The following SV2B variants were observed in gnomAD, a reference collection of about 807,000 sequenced individuals.
SV2B encodes the protein solute carrier family 22 member B2.
A neutral mutation model predicts 73.9 loss-of-function variants in SV2B; 41 were observed. The observed-to-expected ratio is 0.56, with a 90% CI of 0.43 to 0.72. SV2B has a LOEUF of 0.72. Ranked by LOEUF, SV2B falls within the 30% of genes least tolerant of loss-of-function variation. The probability of loss-of-function intolerance (pLI) is 0.00; values close to 1 mark genes in which losing one functional copy is unlikely to be tolerated. For synonymous variants in SV2B, 314 were observed against 314.2 expected (o/e 1.00, Z 0.01); for missense variants, 764 against 857.8 (o/e 0.89, Z 1.37).
chr15:91,130,529 C>T lies in SV2B; in HGVS notation c.-392+30166C>T, dbSNP rs1596453151. 1.3e-5 allele frequency among the ~76,000 whole-genome samples: 2 copies of T among 152,060 alleles called. No individual in the cohort carries two copies. The highest frequency in any genetic ancestry group is 3.9e-4 in the East Asian group (2 of 5,166). On this transcript the variant is annotated intron_variant, in intron 1 of 12. Coordinates refer to ENST00000394232, the MANE Select transcript of SV2B (RefSeq NM_001323032.3). The surrounding 1 kb of genome is among the most constrained non-coding windows in gnomAD (Gnocchi z 5.6). ...TGAGAGAGAGAGAGAGAAGCAGCTGCATTTGGGGAGGAAGGAGAAGAGTCA... is the reference window on the plus strand; with the variant it reads ...TGAGAGAGAGAGAGAGAAGCAGCTGTATTTGGGGAGGAAGGAGAAGAGTCA...
chr15:91,289,464 A>G lies in SV2B; in HGVS notation c.1709-57A>G. On this transcript the variant is annotated intron_variant, in intron 11 of 12. Coordinates refer to ENST00000394232, the MANE Select transcript of SV2B (RefSeq NM_001323032.3). The surrounding 1 kb of genome is among the most constrained non-coding windows in gnomAD (Gnocchi z 4.9). The stretch of plus-strand genomic sequence containing the variant: ...AGATGGGGCAAGAACTGTGAGTGAC[A>G]GCCATGTGCAAGACACAGGCCTCAT... 1 of 1,609,796 alleles carries G rather than the reference A, an allele frequency of 6.2e-7. No individual in the cohort carries two copies. The highest frequency in any genetic ancestry group is 8.5e-7 in the Non-Finnish European group (1 of 1,176,702).
In SV2B at chr15:91,223,576, G is replaced by T. The variant is rs962645794; in HGVS notation, c.-391-2297G>T. 1.3e-5 allele frequency among the ~76,000 whole-genome samples: 2 copies of T among 152,128 alleles called. No homozygotes were observed. Among genetic ancestry groups the T allele is most frequent in the African/African-American group, 4.8e-5 (2 of 41,412 alleles). On this transcript the variant is annotated intron_variant, in intron 1 of 12. Transcript: ENST00000394232. The surrounding 1 kb of genome is among the most constrained non-coding windows in gnomAD (Gnocchi z 4.6). Reference sequence around the variant, plus strand: ...TCACGACGTTGTTATAGGGCCCCCAGGATGGAAATAACACACCAGATCTCA... The same window carrying T: ...TCACGACGTTGTTATAGGGCCCCCATGATGGAAATAACACACCAGATCTCA...
At chr15:91,158,720 T>TTCC (rs1567300811) in intron 1 of SV2B, among the ~76,000 whole-genome samples, 10 of 81,684 alleles carry the variant, frequency 1.2e-4, no homozygotes, top group African/African-American at 4.1e-4. Flanking sequence ...TCTCCTCTCC[T>TTCC]CTCCTCTCTT....
rs1808970229 is a variant in SV2B, at chr15:91,227,968, A to G, written c.451+1254A>G. On this transcript the variant is annotated intron_variant, in intron 2 of 12. Coordinates refer to ENST00000394232, the MANE Select transcript of SV2B (RefSeq NM_001323032.3). This position sits in a 1 kb window ranked among gnomAD's most constrained non-coding sequence, Gnocchi z 4.5. ...CTGTAGCACAATAGCAGCTTTGAAC[A>G]ACACGTAAACAAATGGGCTGTGTTC... Among the ~76,000 whole-genome samples, 1 of 152,242 alleles carries G rather than the reference A, an allele frequency of 6.6e-6. No homozygotes were observed. Among genetic ancestry groups the G allele is most frequent in the African/African-American group, 2.4e-5 (1 of 41,460 alleles).
chr15:91,225,125 A>G (rs1356647248), intron 1 of SV2B, among the ~76,000 whole-genome samples: 1 of 152,210 alleles, frequency 6.6e-6, no homozygotes, highest in Non-Finnish European at 1.5e-5. Flanking sequence ...TGAGGCTTGG[A>G]AAGATGCGTG....
In SV2B at chr15:91,139,805, C is replaced by T. The variant is rs188446565; in HGVS notation, c.-392+39442C>T. 1.2e-3 allele frequency among the ~76,000 whole-genome samples: 178 copies of T among 152,216 alleles called. 2 individuals are homozygous for T. The highest frequency in any genetic ancestry group is 0.01 in the Admixed American group (156 of 15,298). On this transcript the variant is annotated intron_variant, in intron 1 of 12. Transcript: ENST00000394232. The surrounding 1 kb of genome is among the most constrained non-coding windows in gnomAD (Gnocchi z 5.2). ...AGGAGGTACTCAGATAATTAACAGG[C>T]GTCAGTTGGTTGTAAAAGACGTAAA...
At chr15:91,254,020 T>C (rs749587502) in intron 4 of SV2B, among the ~76,000 whole-genome samples, 2 of 152,352 alleles carry the variant, frequency 1.3e-5, no homozygotes, top group African/African-American at 2.4e-5. Flanking sequence ...TAATTTTAGA[T>C]ACAAAATTGT....
chr15:91,207,335 T>A (rs888237030), intron 1 of SV2B, among the ~76,000 whole-genome samples: 3 of 152,086 alleles, frequency 2.0e-5, no homozygotes, highest in African/African-American at 7.2e-5. Flanking sequence ...AAAACAATGT[T>A]TTTTTTCTGT....
chr15:91,156,879 T>A (rs112408860), intron 1 of SV2B, among the ~76,000 whole-genome samples: 104 of 152,306 alleles, frequency 6.8e-4, no homozygotes, highest in African/African-American at 2.4e-3. Flanking sequence ...TACCTCCTTT[T>A]TGTGGGCTGC....
chr15:91,145,407 G>A (rs1304117278), intron 1 of SV2B, among the ~76,000 whole-genome samples: 1 of 152,146 alleles, frequency 6.6e-6, no homozygotes, highest in Non-Finnish European at 1.5e-5. Flanking sequence ...CATTTAGGTT[G>A]ATTCCATGTC....
At position 91,268,369 on chromosome 15, in the gene SV2B, C is replaced by A; in HGVS notation, c.1209-72C>A. ...TCAATGAGTTTGATCTGCATCAAGT[C>A]AAGAGTGTAGACCCTGATCATGAAA... On this transcript the variant is annotated intron_variant, in intron 8 of 12. Transcript: ENST00000394232. This position sits in a 1 kb window ranked among gnomAD's most constrained non-coding sequence, Gnocchi z 4.4. 6.9e-7 allele frequency: 1 copy of A among 1,451,340 alleles called. No homozygotes were observed. 89.9% of individuals were successfully genotyped at this position (1,451,340 alleles called of 1,614,324 possible).
intron 1 of SV2B, among the ~76,000 whole-genome samples, chr15:91,127,338 C>T (rs1209868266): frequency 6.6e-6 from 1 of 152,012 alleles, no homozygotes; most frequent in African/African-American, 2.4e-5. Flanking sequence ...CTCTAATTAA[C>T]GGGCAGAGGC....
At position 91,267,561 on chromosome 15, in the gene SV2B, G is replaced by A. The variant is rs752330674; in HGVS notation, c.1126G>A (p.Asp376Asn). 2 of 1,613,180 alleles carry A rather than the reference G, an allele frequency of 1.2e-6. No homozygotes were observed. The highest frequency in any genetic ancestry group is 1.7e-6 in the Non-Finnish European group (2 of 1,179,544). Residue 376 changes from aspartate to asparagine, a missense_variant, in exon 8 of 13, where the codon GAT becomes AAT. Coordinates refer to ENST00000394232, the MANE Select transcript of SV2B (RefSeq NM_001323032.3). This position sits in a 1 kb window ranked among gnomAD's most constrained non-coding sequence, Gnocchi z 4.3. Reference protein sequence around the residue: ...RFKTIFKQVWDNALYCVMGPY... With the variant: ...RFKTIFKQVWNNALYCVMGPY... ...TCTCTGGTATGGGTTGTAGGTCTGG[G>A]ATAATGCCCTGTACTGTGTGATGGG...
chr15:91,250,100 A>T (rs62026595), intron 2 of SV2B, among the ~76,000 whole-genome samples: 17,842 of 152,070 alleles, frequency 0.12, 1,156 homozygotes, highest in Middle Eastern at 0.14. Context: ...ATGGACACAG[A>T]TGCAATAATC....
At chr15:91,149,340 G>A (rs1018956326) in intron 1 of SV2B, among the ~76,000 whole-genome samples, 1 of 152,204 alleles carries the variant, frequency 6.6e-6, no homozygotes, top group African/African-American at 2.4e-5. Flanking sequence ...CAGCTGACAG[G>A]ATCCACCCCA....
rs780036507 is a variant in SV2B at position 91,108,520 on chromosome 15, C to T, written c.-392+8157C>T. ...CCAGGCACATAGTAGGCACACTATA[C>T]GTATTTATTAGATACATGGTGAATA... On this transcript the variant is annotated intron_variant, in intron 1 of 12. Coordinates refer to ENST00000394232, the MANE Select transcript of SV2B (RefSeq NM_001323032.3). 7.2e-5 allele frequency among the ~76,000 whole-genome samples: 11 copies of T among 152,226 alleles called. 1 individual carries two copies. Among genetic ancestry groups the T allele is most frequent in the African/African-American group, 2.4e-4 (10 of 41,462 alleles).
rs1485504062 is a variant in SV2B at position 91,267,473 on chromosome 15, T to C, written c.1120-82T>C. On this transcript the variant is annotated intron_variant, in intron 7 of 12. Transcript: ENST00000394232. The surrounding 1 kb of genome is among the most constrained non-coding windows in gnomAD (Gnocchi z 4.3). ...TGGGTTCCTAGGCAACTTATTAGAATATCTGAGTAATGAGCTCTTCGTGGG... is the reference window on the plus strand; with the variant it reads ...TGGGTTCCTAGGCAACTTATTAGAACATCTGAGTAATGAGCTCTTCGTGGG... The C allele has an allele frequency of 4.0e-6, 5 of 1,245,372 alleles. No individual in the cohort carries two copies. Among genetic ancestry groups the C allele is most frequent in the Admixed American group, 1.9e-5 (1 of 51,512 alleles). 77.1% of individuals were successfully genotyped at this position (1,245,372 alleles called of 1,614,324 possible).
In SV2B at chr15:91,134,004, C is replaced by CTTTTTTTTTTTTTTTTTTTTTTT. The variant is rs10637206; in HGVS notation, c.-392+33653_-392+33654insTTTTTTTTTTTTTTTTTTTTTTT. Among the ~76,000 whole-genome samples, 107 of 106,206 alleles carry CTTTTTTTTTTTTTTTTTTTTTTT rather than the reference C, an allele frequency of 1.0e-3. 14 individuals are homozygous for CTTTTTTTTTTTTTTTTTTTTTTT. Among genetic ancestry groups the CTTTTTTTTTTTTTTTTTTTTTTT allele is most frequent in the Middle Eastern group, 6.1e-3 (1 of 164 alleles). The allele number at this position is 106,206 out of a possible 152,430, so 69.7% of individuals were successfully genotyped here. ...TGCCTCTTCACCACTTTCTTTCTTCCTTTTTTTTTTTTGAGATGGAGTCTT... is the reference window on the plus strand; with the variant it reads ...TGCCTCTTCACCACTTTCTTTCTTCCTTTTTTTTTTTTTTTTTTTTTTTTTTTTTTTTTTTGAGATGGAGTCTT... On this transcript the variant is annotated intron_variant, in intron 1 of 12. Transcript: ENST00000394232.
rs1021119328 is a variant in SV2B at position 91,240,095 on chromosome 15, C to G, written c.452-11724C>G. On this transcript the variant is annotated intron_variant, in intron 2 of 12. Transcript: ENST00000394232. The surrounding 1 kb of genome is among the most constrained non-coding windows in gnomAD (Gnocchi z 4.6). ...ATACCTGAACAAAAGCCAGGGTTCC[C>G]TTAGCAAGGAAGAAGAGGGAAAAGG... Among the ~76,000 whole-genome samples the G allele has an allele frequency of 2.0e-5, 3 of 152,182 alleles. No homozygotes were observed. Among genetic ancestry groups the G allele is most frequent in the Admixed American group, 2.0e-4 (3 of 15,286 alleles).
Sources: allele counts gnomAD v4.1 joint callset (sites outside exome capture counted in the v4.1 genomes callset), GRCh38; gene constraint gnomAD v4.1.1; non-coding constraint Gnocchi (gnomAD v3.1); transcripts MANE v1.5; gene names NCBI Gene and HGNC (gene_info 2026-07-23, HGNC 2026-07-21).